DOCK3: variants seen among roughly 807,000 people sequenced by gnomAD.
DOCK3 encodes dedicator of cytokinesis protein 3.
Under a neutral mutation model 265.6 loss-of-function variants are expected in DOCK3, and 60 were observed. The ratio of observed to expected loss-of-function variants is 0.23; its 90% CI spans 0.18 to 0.28. The LOEUF is 0.28. Ranked by LOEUF, DOCK3 falls within the 10% of genes least tolerant of loss-of-function variation. The pLI is 1.00. For synonymous variants in DOCK3, 881 were observed against 938.0 expected, an observed-to-expected ratio of 0.94 and a Z score of 1.11; for missense variants, 1,981 against 2,594.3, an observed-to-expected ratio of 0.76 and a Z score of 5.14.
intron 5 of DOCK3, among the ~76,000 whole-genome samples, chr3:50,959,848 A>G (rs1439421355): frequency 6.6e-6 from 1 of 152,032 alleles, no homozygotes; most frequent in Non-Finnish European, 1.5e-5. Context: ...TCAAAGTACT[A>G]GGATTATAGG....
At chr3:50,925,903 C>G (rs1372844491) in intron 4 of DOCK3, among the ~76,000 whole-genome samples, 1 of 140,986 alleles carries the variant, frequency 7.1e-6, no homozygotes, top group Middle Eastern at 4.2e-3. Context: ...ACAATCTTGG[C>G]TTACTGCTAC....
intron 2 of DOCK3, among the ~76,000 whole-genome samples, chr3:50,830,790 G>A (rs78111344): frequency 1.6e-4 from 25 of 152,242 alleles, no homozygotes; most frequent in East Asian, 7.7e-4. Flanking sequence ...ATAAGAATGC[G>A]TATTATTTTT....
chr3:51,263,094 G>A (rs1331229932), intron 23 of DOCK3, among the ~76,000 whole-genome samples: 3 of 152,104 alleles, frequency 2.0e-5, no homozygotes, highest in Non-Finnish European at 4.4e-5. Context: ...TCCTCGAGAA[G>A]AGCAGCCCCA....
At chr3:51,055,129 G>C (rs1465804552) in intron 5 of DOCK3, among the ~76,000 whole-genome samples, 1 of 152,178 alleles carries the variant, frequency 6.6e-6, no homozygotes, top group African/African-American at 2.4e-5. Flanking sequence ...AAGTAGAGCA[G>C]CTGTCAATAT....
intron 9 of DOCK3, among the ~76,000 whole-genome samples, chr3:51,139,975 G>A (rs765586936): frequency 6.6e-6 from 1 of 152,254 alleles, no homozygotes; most frequent in Non-Finnish European, 1.5e-5. Context: ...AGATGGGGCT[G>A]TAAGATAGGC....
In DOCK3 at chr3:51,354,998, C is replaced by G. The variant is rs371805365; in HGVS notation, c.4224C>G (p.Asp1408Glu). Residue 1408 changes from aspartate to glutamate, a missense_variant, in exon 41 of 53, where the codon GAC (aspartate) becomes GAG (glutamate). Asp to Glu is a conservative substitution (Grantham distance 45). This residue lies in a region of DOCK3 where 1,357 missense variants were observed against 1,866.8 expected (regional missense o/e 0.73). Coordinates refer to ENST00000266037, the MANE Select transcript of DOCK3 (RefSeq NM_004947.5). Reference sequence around the variant, plus strand: ...TGCAGCACCCCAACCATCCTGATGACGCCATCCTACAGTGCGATGCCCAGT... The same window carrying G: ...TGCAGCACCCCAACCATCCTGATGAGGCCATCCTACAGTGCGATGCCCAGT... ...VAMQHPNHPD[D>E]AILQCDAQYL... 2 of 1,613,832 alleles carry G rather than the reference C, an allele frequency of 1.2e-6. No individual in the cohort carries two copies. The highest frequency in any genetic ancestry group is 1.7e-6 in the Non-Finnish European group (2 of 1,179,836).
chr3:50,749,968 C>T (rs779758185), intron 1 of DOCK3, among the ~76,000 whole-genome samples: 3 of 152,146 alleles, frequency 2.0e-5, no homozygotes, highest in Non-Finnish European at 4.4e-5. Flanking sequence ...ACCCCTGGGC[C>T]GCGGACTGGT....
intron 1 of DOCK3, among the ~76,000 whole-genome samples, chr3:50,733,323 A>AT (rs1236307023): frequency 6.6e-6 from 1 of 152,182 alleles, no homozygotes; most frequent in Non-Finnish European, 1.5e-5. Flanking sequence ...AAAGTGGTGT[A>AT]TTAAAGTTCT....
chr3:51,140,569 A>C (rs1481157021), intron 9 of DOCK3, among the ~76,000 whole-genome samples: 1 of 152,142 alleles, frequency 6.6e-6, no homozygotes, highest in Non-Finnish European at 1.5e-5. Flanking sequence ...ATTCATGTAC[A>C]AATTTTTGTG....
intron 40 of DOCK3, among the ~76,000 whole-genome samples, chr3:51,353,339 C>A (rs2086131456): frequency 6.6e-6 from 1 of 151,932 alleles, no homozygotes; most frequent in South Asian, 2.1e-4. Flanking sequence ...AGTCTGGGTG[C>A]AGTGGCTCAT....
chr3:51,329,268 GATAA>G (rs1280876503), intron 32 of DOCK3, among the ~76,000 whole-genome samples: 7 of 152,148 alleles, frequency 4.6e-5, no homozygotes, highest in Non-Finnish European at 8.8e-5. Context: ...CTGAGATCAG[GATAA>G]ATAGTCAATG....
intron 38 of DOCK3, 62 bp from the exon 39 acceptor site, chr3:51,348,790 A>G: frequency 6.7e-7 from 1 of 1,493,330 alleles, no homozygotes; most frequent in African/African-American, 1.4e-5. Flanking sequence ...TGATGTGTTT[A>G]ATGTGGGCTT....
intron 48 of DOCK3, 123 bp downstream of exon 48, chr3:51,362,120 C>T (rs2086782869): frequency 1.6e-6 from 2 of 1,252,318 alleles, no homozygotes; most frequent in South Asian, 3.1e-5. Context: ...GAATTCAGAA[C>T]ACCCCTCACC....
intron 3 of DOCK3, among the ~76,000 whole-genome samples, chr3:50,882,901 A>T (rs889887420): frequency 6.6e-6 from 1 of 152,254 alleles, no homozygotes; most frequent in Non-Finnish European, 1.5e-5. Flanking sequence ...GATTAAGAAA[A>T]TGTGGCACAT....
chr3:51,211,978 A>C (rs1352680742), intron 13 of DOCK3, among the ~76,000 whole-genome samples: 1 of 152,162 alleles, frequency 6.6e-6, no homozygotes, highest in Admixed American at 6.5e-5. Context: ...TGGGTGAGCG[A>C]GTGGGTCACT....
chr3:51,331,270 A>G (rs563209700), intron 33 of DOCK3, among the ~76,000 whole-genome samples: 3 of 152,306 alleles, frequency 2.0e-5, no homozygotes, highest in African/African-American at 4.8e-5. Context: ...GTAAAATGTA[A>G]ATTTATTTTT....
chr3:51,073,516 T>C (rs1447455058), intron 6 of DOCK3, among the ~76,000 whole-genome samples: 1 of 152,224 alleles, frequency 6.6e-6, no homozygotes, highest in Non-Finnish European at 1.5e-5. Flanking sequence ...GGGATCCCAA[T>C]TGTAGAAAAA....
At chr3:50,766,985 T>A (rs969271359) in intron 1 of DOCK3, among the ~76,000 whole-genome samples, 1 of 152,104 alleles carries the variant, frequency 6.6e-6, no homozygotes, top group Non-Finnish European at 1.5e-5. Flanking sequence ...TTGTTGTAAA[T>A]TTGTTTGAGT....
At chr3:51,360,331 A>C (rs2086642597) in intron 46 of DOCK3, among the ~76,000 whole-genome samples, 180 bp from the exon 47 acceptor site, 1 of 152,158 alleles carries the variant, frequency 6.6e-6, no homozygotes, top group Non-Finnish European at 1.5e-5. Flanking sequence ...TGCAGTTAGG[A>C]GGGTGTTTTA....
Sources: gnomAD v4.1 joint callset for allele counts (sites outside exome capture counted in the v4.1 genomes callset) on GRCh38, gnomAD v4.1.1 for gene constraint, gnomAD v4.1.1 regional missense constraint, MANE v1.5 for transcripts, NCBI Gene and HGNC (gene_info 2026-07-23, HGNC 2026-07-21) for gene names.